SNX10: variants seen among roughly 807,000 people sequenced by gnomAD.
The protein encoded by SNX10 is sorting nexin-10.
SNX10 carries 25 observed loss-of-function variants against 28.5 expected under a neutral mutation model. The observed-to-expected ratio is 0.88, with a 90% CI of 0.64 to 1.22. The LOEUF is 1.22. SNX10 is among the 50% of genes most tolerant of loss of function. The probability of loss-of-function intolerance (pLI) is 0.00; values close to 1 mark genes in which losing one functional copy is unlikely to be tolerated. For synonymous variants in SNX10, 62 were observed against 81.4 expected, an observed-to-expected ratio of 0.76 and a Z score of 1.28; for missense variants, 223 against 242.6, an observed-to-expected ratio of 0.92 and a Z score of 0.54.
chr7:26,349,459 C>A (rs539648573), intron 2 of SNX10, among the ~76,000 whole-genome samples: 1 of 151,944 alleles, frequency 6.6e-6, no homozygotes, highest in East Asian at 1.9e-4. Flanking sequence ...GAGAATCTCC[C>A]TTGTTAGTTA....
At chr7:26,316,199 A>C (rs539354825) in intron 1 of SNX10, among the ~76,000 whole-genome samples, 93 of 150,992 alleles carry the variant, frequency 6.2e-4, no homozygotes, top group African/African-American at 2.1e-3. Flanking sequence ...AAAAAAAAAC[A>C]AAAAACCTAG....
At chr7:26,370,500 A>G (rs1789477409) in intron 5 of SNX10, 1 of 152,216 alleles carries the variant, frequency 6.6e-6, no homozygotes, top group African/African-American at 2.4e-5. Flanking sequence ...AGACCAGTAA[A>G]GAATATTTTC....
At chr7:26,295,276 G>A (rs777227127) in intron 1 of SNX10, among the ~76,000 whole-genome samples, 11 of 151,876 alleles carry the variant, frequency 7.2e-5, no homozygotes, top group Non-Finnish European at 1.3e-4. Flanking sequence ...TGCCCAGGCT[G>A]GTTTTGAACT....
chr7:26,308,324 G>C (rs1786675449), intron 1 of SNX10, among the ~76,000 whole-genome samples: 1 of 152,170 alleles, frequency 6.6e-6, no homozygotes, highest in Non-Finnish European at 1.5e-5. Flanking sequence ...CCTCATTTCA[G>C]GAGGGGTTCT....
intron 2 of SNX10, among the ~76,000 whole-genome samples, chr7:26,346,948 G>C (rs551558948): frequency 6.6e-6 from 1 of 152,344 alleles, no homozygotes; most frequent in South Asian, 2.1e-4. Context: ...CGCCCCCTGA[G>C]CCTCTCCCTG....
intron 1 of SNX10, among the ~76,000 whole-genome samples, chr7:26,340,185 C>T (rs1393439191): frequency 1.3e-5 from 2 of 152,094 alleles, no homozygotes; most frequent in Non-Finnish European, 2.9e-5. Context: ...AATGTTTTGG[C>T]CTGTTGACCT....
intron 2 of SNX10, 67 bp downstream of exon 2, chr7:26,346,533 T>G: frequency 5.6e-6 from 7 of 1,248,430 alleles, no homozygotes; most frequent in Non-Finnish European, 8.3e-6. Context: ...AGTTCTTCAT[T>G]TGCGAACCAT....
intron 1 of SNX10, among the ~76,000 whole-genome samples, chr7:26,320,899 A>G (rs1479397041): frequency 1.3e-5 from 2 of 152,260 alleles, no homozygotes; most frequent in East Asian, 3.8e-4. Context: ...AAGGTATTCC[A>G]TGACTACATC....
intron 1 of SNX10, among the ~76,000 whole-genome samples, chr7:26,327,889 C>A (rs927640409): frequency 6.6e-6 from 1 of 151,622 alleles, no homozygotes; most frequent in African/African-American, 2.4e-5. Context: ...GCCACCACAC[C>A]CAGCTATTTT....
intron 1 of SNX10, among the ~76,000 whole-genome samples, chr7:26,329,749 T>C (rs1448013886): frequency 2.6e-5 from 4 of 152,224 alleles, no homozygotes; most frequent in Non-Finnish European, 5.9e-5. Context: ...TGCAAACTAG[T>C]AACCTGGTCA....
intron 1 of SNX10, among the ~76,000 whole-genome samples, chr7:26,312,507 C>T (rs998674753): frequency 1.3e-5 from 2 of 152,098 alleles, no homozygotes; most frequent in Admixed American, 6.5e-5. Flanking sequence ...ATAGTGGTGC[C>T]GGGCATGGTG....
intron 1 of SNX10, among the ~76,000 whole-genome samples, chr7:26,340,024 T>C (rs901014106): frequency 5.3e-5 from 8 of 152,042 alleles, no homozygotes; most frequent in African/African-American, 1.9e-4. Flanking sequence ...TAAATAATGA[T>C]ATAAACCATA....
chr7:26,342,697 C>T (rs1788228548), intron 1 of SNX10, among the ~76,000 whole-genome samples: 1 of 152,188 alleles, frequency 6.6e-6, no homozygotes, highest in Non-Finnish European at 1.5e-5. Flanking sequence ...TCACCATTTT[C>T]ACTGTACAGA....
chr7:26,321,502 C>A (rs944683284), intron 1 of SNX10, among the ~76,000 whole-genome samples: 25 of 152,196 alleles, frequency 1.6e-4, no homozygotes, highest in Non-Finnish European at 2.9e-5. Context: ...CTCCTGTTGG[C>A]TTTCTTTAAT....
chr7:26,335,288 C>T (rs1787882520), intron 1 of SNX10, among the ~76,000 whole-genome samples: 1 of 152,174 alleles, frequency 6.6e-6, no homozygotes. Context: ...AACCTCTGGT[C>T]CCTCAGAACC....
intron 1 of SNX10, among the ~76,000 whole-genome samples, chr7:26,342,316 T>C (rs1410135858): frequency 6.6e-6 from 1 of 152,114 alleles, no homozygotes; most frequent in Admixed American, 6.5e-5. Context: ...CGTGAGCCAC[T>C]GCGCCTGGCC....
rs1787386362 is a variant in SNX10 at position 26,323,526 on chromosome 7, G to A, written c.-23-22894G>A. 2.0e-5 allele frequency among the ~76,000 whole-genome samples: 3 copies of A among 152,130 alleles called. No individual in the cohort carries two copies. In the South Asian group the frequency reaches 6.2e-4, roughly 32 times the overall value. ...ACGAGGCAGCGGAACACAGAGGAGA[G>A]GAAGAGAGTGGAAGGAGGCACCCAG... is the stretch of plus-strand genomic sequence containing the variant. On this transcript the variant is annotated intron_variant, in intron 1 of 6. Transcript: ENST00000338523.
intron 1 of SNX10, among the ~76,000 whole-genome samples, chr7:26,322,763 G>A (rs1787357363): frequency 6.6e-6 from 1 of 152,150 alleles, no homozygotes; most frequent in South Asian, 2.1e-4. Context: ...TGTTCTCTTA[G>A]TGGCTCTCTT....
chr7:26,346,334 G>C, intron 1 of SNX10, 86 bp from the exon 2 acceptor site: 2 of 838,674 alleles, frequency 2.4e-6, no homozygotes, highest in Non-Finnish European at 4.2e-6. Flanking sequence ...GGCTCTGTCA[G>C]GGGATTTGGG....
Sources: gnomAD v4.1 joint callset for allele counts (sites outside exome capture counted in the v4.1 genomes callset) on GRCh38, gnomAD v4.1.1 for gene constraint, MANE v1.5 for transcripts, NCBI Gene and HGNC (gene_info 2026-07-23, HGNC 2026-07-21) for gene names.